The following NR1H4 variants were observed in gnomAD, a reference collection of about 807,000 sequenced individuals.
NR1H4 encodes nuclear receptor subfamily 1 group H member 4.
NR1H4 carries 23 observed loss-of-function variants against 58.5 expected under a neutral mutation model. The observed-to-expected ratio is 0.39, with a 90% CI of 0.28 to 0.56. The LOEUF is 0.56. NR1H4 is among the 20% of genes least tolerant of loss of function. The pLI, the probability that NR1H4 is intolerant of heterozygous loss-of-function variation, is 0.58. For missense variants in NR1H4, 487 were observed against 576.9 expected (o/e 0.84, Z 1.60); for synonymous variants, 214 against 198.0 (o/e 1.08, Z -0.68).
At chr12:100,560,456 A>G (rs1955443542) in intron 9 of NR1H4, among the ~76,000 whole-genome samples, 1 of 152,188 alleles carries the variant, frequency 6.6e-6, no homozygotes. Context: ...CCACGAGCCC[A>G]CCAGGAGGAA....
At chr12:100,493,548 C>T in intron 3 of NR1H4, 146 bp downstream of exon 3, 1 of 635,310 alleles carries the variant, frequency 1.6e-6, no homozygotes, top group South Asian at 1.8e-5. Context: ...AGCTACTCTG[C>T]AAGGTTAGAG....
Position 100,509,914 on chromosome 12 carries a change from C to T in NR1H4, c.80-864C>T, listed in dbSNP as rs576487422. Among the ~76,000 whole-genome samples the T allele has an allele frequency of 6.4e-4, 83 of 130,684 alleles. 1 individual carries two copies. In the East Asian group the frequency reaches 0.015, roughly 23 times the overall value. The allele number at this position is 130,684 out of a possible 152,430, so 85.7% of individuals were successfully genotyped here. Reference sequence around the variant, plus strand: ...TTGTCTTTGCACGTGGGCACGTGCGCGCACACACACACACACACACACACA... The same window carrying T: ...TTGTCTTTGCACGTGGGCACGTGCGTGCACACACACACACACACACACACA... On this transcript the variant is annotated intron_variant, in intron 3 of 10. Transcript: ENST00000392986.
chr12:100,487,353 CTT>C lies in NR1H4; in HGVS notation c.-189-5147_-189-5146del, dbSNP rs558419512. On this transcript the variant is annotated intron_variant, in intron 1 of 10. Transcript: ENST00000392986. ...TTAGCTTAAAAATAAATTTTAATAACTTTTCAGAAAAACAGTGGATGAAGGAA... is the reference window on the plus strand; with the variant it reads ...TTAGCTTAAAAATAAATTTTAATAACTTCAGAAAAACAGTGGATGAAGGAA... Among the ~76,000 whole-genome samples, 258 of 152,168 alleles carry C rather than the reference CTT, an allele frequency of 1.7e-3. 2 individuals carry two copies. The highest frequency in any genetic ancestry group is 2.8e-4 in the Non-Finnish European group (19 of 68,000).
chr12:100,499,057 A>T (rs903563685), intron 3 of NR1H4, among the ~76,000 whole-genome samples: 1 of 152,186 alleles, frequency 6.6e-6, no homozygotes, highest in South Asian at 2.1e-4. Flanking sequence ...CAGCCTCTTC[A>T]TGCTTTATTT....
At chr12:100,562,065 G>GA in intron 10 of NR1H4, 67 bp downstream of exon 10, 1 of 792,004 alleles carries the variant, frequency 1.3e-6, no homozygotes, top group Non-Finnish European at 2.2e-6. Context: ...AACGTTTATT[G>GA]AAAAAAATCT....
chr12:100,482,526 C>G (rs1456392249), intron 1 of NR1H4, among the ~76,000 whole-genome samples: 2 of 152,172 alleles, frequency 1.3e-5, no homozygotes, highest in African/African-American at 2.4e-5. Context: ...ACCTGGCTGG[C>G]ATTGTGCAAG....
chr12:100,559,685 C>A (rs1169876680), intron 9 of NR1H4, among the ~76,000 whole-genome samples: 1 of 152,224 alleles, frequency 6.6e-6, no homozygotes, highest in Non-Finnish European at 1.5e-5. Flanking sequence ...GGCTCCTGTG[C>A]GGCCCAAGCC....
At chr12:100,539,732 G>A (rs1270025784) in intron 8 of NR1H4, among the ~76,000 whole-genome samples, 2 of 152,168 alleles carry the variant, frequency 1.3e-5, no homozygotes, top group Admixed American at 1.3e-4. Flanking sequence ...CCCAAGAAAT[G>A]TACACTCCAG....
intron 9 of NR1H4, among the ~76,000 whole-genome samples, chr12:100,556,956 G>A (rs527758277): frequency 6.6e-6 from 1 of 152,290 alleles, no homozygotes; most frequent in Admixed American, 6.5e-5. Context: ...GTAAGATAGA[G>A]AAAAATGAGA....
rs201337612 is a variant in NR1H4 at position 100,556,470 on chromosome 12, AG to A, written c.1079-5414del. 6.3e-4 allele frequency among the ~76,000 whole-genome samples: 94 copies of A among 148,632 alleles called. 2 individuals are homozygous for A. The highest frequency in any genetic ancestry group is 3.4e-3 in the Middle Eastern group (1 of 290). On this transcript the variant is annotated intron_variant, in intron 9 of 10. Transcript: ENST00000392986. ...CAACAAGAGTGAAACTCCGTCTCAA[AG>A]AAAAAAAAAACAAAAAACAAAAAAC... is the stretch of plus-strand genomic sequence containing the variant.
chr12:100,475,205 A>G (rs1054805972), intron 1 of NR1H4, among the ~76,000 whole-genome samples: 6 of 151,966 alleles, frequency 3.9e-5, no homozygotes, highest in African/African-American at 1.5e-4. Flanking sequence ...AAGAGAGGAA[A>G]AGATGTTCAG....
At chr12:100,478,798 C>A (rs953592481) in intron 1 of NR1H4, among the ~76,000 whole-genome samples, 1 of 152,126 alleles carries the variant, frequency 6.6e-6, no homozygotes. Context: ...ATTAAAATTG[C>A]ACTTTATTTT....
chr12:100,498,542 G>A (rs1344568376), intron 3 of NR1H4, among the ~76,000 whole-genome samples: 2 of 151,982 alleles, frequency 1.3e-5, no homozygotes, highest in Non-Finnish European at 2.9e-5. Context: ...GGAGGCTGAG[G>A]CAGGAGAATC....
In NR1H4 at chr12:100,544,987, C is replaced by T. The variant is rs144820405; in HGVS notation, c.1078+4169C>T. Among the ~76,000 whole-genome samples, 121 of 152,262 alleles carry T rather than the reference C, an allele frequency of 7.9e-4. No individual in the cohort carries two copies. In the Middle Eastern group the frequency reaches 0.014, roughly 17 times the overall value. On this transcript the variant is annotated intron_variant, in intron 9 of 10. Coordinates refer to ENST00000392986, the MANE Select transcript of NR1H4 (RefSeq NM_001206979.2). ...AGTCATTTAAAGTTGATTCAGGTGC[C>T]AGACAATGAAAAAGAGGGGTGCAAT...
intron 4 of NR1H4, among the ~76,000 whole-genome samples, chr12:100,532,236 A>G (rs914644245): frequency 6.6e-6 from 1 of 152,246 alleles, no homozygotes; most frequent in Non-Finnish European, 1.5e-5. Flanking sequence ...AAGAGAGGCT[A>G]TAATTCAAAT....
At chr12:100,475,663 A>T (rs955562612) in intron 1 of NR1H4, among the ~76,000 whole-genome samples, 1 of 152,172 alleles carries the variant, frequency 6.6e-6, no homozygotes, top group Non-Finnish European at 1.5e-5. Flanking sequence ...AATGTCTACT[A>T]ACATGTCCTA....
chr12:100,505,861 T>C (rs1953947532), intron 3 of NR1H4: 1 of 408,220 alleles, frequency 2.4e-6, no homozygotes, highest in East Asian at 4.5e-5. Context: ...TGTTTACTTG[T>C]TTACTTATTT....
At chr12:100,506,042 C>CACACACAGAG (rs1491443606) in intron 3 of NR1H4, among the ~76,000 whole-genome samples, 12 of 117,514 alleles carry the variant, frequency 1.0e-4, no homozygotes, top group African/African-American at 3.8e-4. Context: ...CACACACACA[C>CACACACAGAG]AGAGAGAGAG....
chr12:100,550,612 C>T (rs562021328), intron 9 of NR1H4, among the ~76,000 whole-genome samples: 17 of 151,336 alleles, frequency 1.1e-4, no homozygotes, highest in East Asian at 3.9e-4. Flanking sequence ...GTGATCTTTC[C>T]GCCTCAGCCT....
Sources: allele counts gnomAD v4.1 joint callset (sites outside exome capture counted in the v4.1 genomes callset), GRCh38; gene constraint gnomAD v4.1.1; transcripts MANE v1.5; gene names NCBI Gene and HGNC (gene_info 2026-07-23, HGNC 2026-07-21).